The following ZNF420 variants were observed in gnomAD, a reference collection of about 807,000 sequenced individuals.
ZNF420 encodes zinc finger protein 420.
In ZNF420, 31 loss-of-function variants were observed where a neutral mutation model predicts 44.7. The ratio of observed to expected loss-of-function variants is 0.69; its 90% CI spans 0.52 to 0.94. ZNF420 has a LOEUF of 0.94. Among genes scored for constraint, ZNF420 ranks in the 40% least tolerant of loss-of-function variants. ZNF420 has a pLI of 0.00. For missense variants in ZNF420, 681 were observed against 827.9 expected, an observed-to-expected ratio of 0.82 and a Z score of 2.18; for synonymous variants, 245 against 267.4, an observed-to-expected ratio of 0.92 and a Z score of 0.82.
chr19:37,129,462 T>C lies in ZNF420; in HGVS notation c.*404T>C, dbSNP rs1599737351. The C allele has an allele frequency of 1.1e-5, 2 of 175,584 alleles. No individual in the cohort carries two copies. The highest frequency in any genetic ancestry group is 2.4e-5 in the Non-Finnish European group (2 of 81,986). 10.9% of individuals were successfully genotyped at this position (175,584 alleles called of 1,614,324 possible). On this transcript the variant is annotated 3_prime_UTR_variant, in exon 5 of 5. Coordinates refer to ENST00000337995, the MANE Select transcript of ZNF420 (RefSeq NM_144689.5). ...TGGAAGTATTATGTAAGTTATTACA[T>C]GTAAAAGCTCTTAGAATGGTGCCTT...
chr19:37,071,516 T>G (rs1968056684), intron 1 of ZNF420, among the ~76,000 whole-genome samples: 1 of 152,162 alleles, frequency 6.6e-6, no homozygotes, highest in African/African-American at 2.4e-5. Flanking sequence ...AATATTTTCT[T>G]TTGGCTGGGC....
chr19:37,023,133 G>A lies in ZNF420; in HGVS notation c.-125+15051G>A, dbSNP rs540712384. Among the ~76,000 whole-genome samples the A allele has an allele frequency of 1.1e-4, 16 of 142,354 alleles. No homozygotes were observed. In the South Asian group the frequency reaches 1.3e-3, roughly 12 times the overall value. The allele number at this position is 142,354 out of a possible 152,430, so 93.4% of individuals were successfully genotyped here. On this transcript the variant is annotated intron_variant, in intron 1 of 4. Transcript: ENST00000587029. ...AGCCTGGGTGACAGAGCGAGACTCC[G>A]TCTCAAAGAAAAAGAAAAAAAAAAG...
At chr19:37,008,566 C>A (rs950187589) in intron 1 of ZNF420, among the ~76,000 whole-genome samples, 5 of 152,166 alleles carry the variant, frequency 3.3e-5, no homozygotes, top group African/African-American at 9.7e-5. Flanking sequence ...AGCAGACCGA[C>A]GTCAAAGATG....
intron 1 of ZNF420, among the ~76,000 whole-genome samples, chr19:37,027,932 G>C (rs910159009): frequency 6.6e-6 from 1 of 152,074 alleles, no homozygotes; most frequent in South Asian, 2.1e-4. Flanking sequence ...AACTTATTTG[G>C]GTATGTAACA....
intron 4 of ZNF420, among the ~76,000 whole-genome samples, chr19:37,123,299 T>G (rs1728878292): frequency 6.6e-6 from 1 of 152,160 alleles, no homozygotes; most frequent in Admixed American, 6.5e-5. Flanking sequence ...CAACTCAGAG[T>G]AAAAGTCGAT....
At position 37,010,587 on chromosome 19, in the gene ZNF420, CGT is replaced by C. The variant is rs1179827990; in HGVS notation, c.-125+2514_-125+2515del. Among the ~76,000 whole-genome samples, 4 of 151,786 alleles carry C rather than the reference CGT, an allele frequency of 2.6e-5. No homozygotes were observed. In the East Asian group the frequency reaches 7.7e-4, roughly 29 times the overall value. ...GTCTGTGAGTGTGTGTGCCGGTGTG[CGT>C]GTGTGTGTTGAATGAATGTGCCCTG... On this transcript the variant is annotated intron_variant, in intron 1 of 4. Transcript: ENST00000587029.
chr19:37,116,317 C>T (rs1208443566), intron 4 of ZNF420, among the ~76,000 whole-genome samples: 3 of 142,756 alleles, frequency 2.1e-5, no homozygotes, highest in Non-Finnish European at 3.0e-5. Flanking sequence ...TGCAGTGAAC[C>T]GAGATCACAC....
At chr19:37,070,357 C>A (rs1036372663) in intron 1 of ZNF420, among the ~76,000 whole-genome samples, 2 of 151,956 alleles carry the variant, frequency 1.3e-5, no homozygotes, top group Admixed American at 6.5e-5. Flanking sequence ...AAATTTATGA[C>A]TTTGATATAG....
chr19:37,032,753 G>A (rs1434395121), intron 1 of ZNF420, among the ~76,000 whole-genome samples: 4 of 152,142 alleles, frequency 2.6e-5, no homozygotes, highest in Non-Finnish European at 4.4e-5. Context: ...TGCAGTGAGT[G>A]GAGATAGCAC....
Position 37,064,094 on chromosome 19 carries a change from C to T in ZNF420, c.-124-16251C>T, listed in dbSNP as rs541008876. ...CCACAAAAGTGATGCATGCTCCTATCAGGGGCACATGATGACATTCTATCC... is the reference window on the plus strand; with the variant it reads ...CCACAAAAGTGATGCATGCTCCTATTAGGGGCACATGATGACATTCTATCC... On this transcript the variant is annotated intron_variant, in intron 1 of 4. Coordinates refer to the ZNF420 transcript ENST00000587029. Among the ~76,000 whole-genome samples the T allele has an allele frequency of 4.6e-5, 7 of 152,324 alleles. No individual in the cohort carries two copies. In the East Asian group the frequency reaches 1.3e-3, roughly 29 times the overall value.
chr19:37,122,505 C>T (rs1051470183), intron 4 of ZNF420, among the ~76,000 whole-genome samples: 1 of 152,082 alleles, frequency 6.6e-6, no homozygotes, highest in African/African-American at 2.4e-5. Context: ...GGAGATATAC[C>T]TAATGCTAAA....
At chr19:37,008,106 C>A in intron 1 of ZNF420, 1 of 274,566 alleles carries the variant, frequency 3.6e-6, no homozygotes, top group South Asian at 3.7e-5. Context: ...AAAGTCGTGC[C>A]CCTGTCAATT....
chr19:37,129,819 G>T lies in ZNF420; in HGVS notation c.*761G>T. 2.0e-6 allele frequency: 1 copy of T among 503,638 alleles called. No individual in the cohort carries two copies. The highest frequency in any genetic ancestry group is 2.9e-5 in the South Asian group (1 of 34,170). The allele number at this position is 503,638 out of a possible 1,614,324, so 31.2% of individuals were successfully genotyped here. ...AGCTGTTAGAGAAGTGGGACAAGGT[G>T]TGAAGTGATTTTTAACGAAGTCTAA... On this transcript the variant is annotated 3_prime_UTR_variant, in exon 5 of 5. Coordinates refer to ENST00000337995, the MANE Select transcript of ZNF420 (RefSeq NM_144689.5).
At chr19:37,028,507 A>T (rs189823447) in intron 1 of ZNF420, among the ~76,000 whole-genome samples, 25 of 152,226 alleles carry the variant, frequency 1.6e-4, no homozygotes, top group African/African-American at 5.1e-4. Flanking sequence ...AGAGATGTTG[A>T]GAGTCTACAC....
At chr19:37,119,431 A>G (rs1400034096) in intron 4 of ZNF420, among the ~76,000 whole-genome samples, 1 of 152,220 alleles carries the variant, frequency 6.6e-6, no homozygotes, top group East Asian at 1.9e-4. Flanking sequence ...AATGAGAACA[A>G]AGACACAACA....
In ZNF420 at chr19:37,071,079, G is replaced by A. The variant is rs148701062; in HGVS notation, c.-124-9266G>A. On this transcript the variant is annotated intron_variant, in intron 1 of 4. Transcript: ENST00000587029. ...CCTATATGTCCCTTTGCACAAGAAA[G>A]TTTGATGACCCTTGCCCTAGAACAG... Among the ~76,000 whole-genome samples the A allele has an allele frequency of 3.2e-3, 488 of 152,262 alleles. 4 individuals carry two copies. The highest frequency in any genetic ancestry group is 0.011 in the African/African-American group (469 of 41,560).
chr19:37,104,337 A>G (rs1599684808), intron 4 of ZNF420, among the ~76,000 whole-genome samples: 1 of 152,252 alleles, frequency 6.6e-6, no homozygotes, highest in African/African-American at 2.4e-5. Flanking sequence ...ATGGCTGCAT[A>G]GTATTCCATG....
At chr19:37,021,823 G>C (rs1420811937) in intron 1 of ZNF420, among the ~76,000 whole-genome samples, 3 of 151,094 alleles carry the variant, frequency 2.0e-5, no homozygotes, top group Non-Finnish European at 4.4e-5. Flanking sequence ...TGTAGTCCCA[G>C]CTACTCGGGA....
At chr19:37,013,880 C>T (rs1380225810) in intron 1 of ZNF420, among the ~76,000 whole-genome samples, 1 of 152,180 alleles carries the variant, frequency 6.6e-6, no homozygotes, top group Non-Finnish European at 1.5e-5. Flanking sequence ...TGCGACCACA[C>T]GTGGCACTGG....
Sources: gnomAD v4.1 joint callset for allele counts (sites outside exome capture counted in the v4.1 genomes callset) on GRCh38, gnomAD v4.1.1 for gene constraint, MANE v1.5 for transcripts, NCBI Gene and HGNC (gene_info 2026-07-23, HGNC 2026-07-21) for gene names.